The following KCNN2 variants were observed in gnomAD, a reference collection of about 807,000 sequenced individuals.
The protein encoded by KCNN2 is small conductance calcium-activated potassium channel protein 2.
KCNN2 carries 24 observed loss-of-function variants against 55.5 expected under a neutral mutation model. The ratio of observed to expected loss-of-function variants is 0.43; its 90% CI spans 0.31 to 0.61. The LOEUF (loss-of-function observed/expected upper bound fraction) is 0.61, where lower values mean the gene tolerates loss of function less well. Ranked by LOEUF, KCNN2 falls within the 20% of genes least tolerant of loss-of-function variation. The probability of loss-of-function intolerance (pLI) is 0.08; values close to 1 mark genes in which losing one functional copy is unlikely to be tolerated. For missense variants in KCNN2, 754 were observed against 853.6 expected, an observed-to-expected ratio of 0.88 and a Z score of 1.45; for synonymous variants, 431 against 336.1, an observed-to-expected ratio of 1.28 and a Z score of -3.09.
chr5:114,119,392 A>G (rs916882628), intron 1 of KCNN2, among the ~76,000 whole-genome samples: 4 of 152,218 alleles, frequency 2.6e-5, no homozygotes, highest in African/African-American at 4.8e-5. Flanking sequence ...GGCTTCTTTT[A>G]GATACGAAGC....
Position 114,268,366 on chromosome 5 carries a change from T to C in KCNN2, c.-185+46801T>C, listed in dbSNP as rs940048482. 1.8e-4 allele frequency among the ~76,000 whole-genome samples: 27 copies of C among 152,378 alleles called. 1 individual carries two copies. Among genetic ancestry groups the C allele is most frequent in the African/African-American group, 6.5e-4 (27 of 41,588 alleles). ...CTCAAGTTCGCCATTTCCATGATTA[T>C]CAAATGTTTTATATAAAATTTAAAA... On this transcript the variant is annotated intron_variant, in intron 2 of 10. Coordinates refer to the KCNN2 transcript ENST00000512097.
At chr5:114,389,132 CTCTG>C (rs1758372010) in intron 2 of KCNN2, among the ~76,000 whole-genome samples, 1 of 151,682 alleles carries the variant, frequency 6.6e-6, no homozygotes, top group African/African-American at 2.4e-5. Context: ...TGTCTTTCCT[CTCTG>C]TCAATACTTG....
rs546991658 is a variant in KCNN2 at position 114,477,452 on chromosome 5, G to A, written c.1890+4288G>A. 1.9e-4 allele frequency among the ~76,000 whole-genome samples: 29 copies of A among 152,174 alleles called. No homozygotes were observed. The South Asian group carries it at 3.5e-3, about 18-fold the overall frequency. ...ATACTATTTATTGTACATCAGCACT[G>A]AGAAGATTGTTTTGTCTAATCCTAA... On this transcript the variant is annotated intron_variant, in intron 5 of 7. Coordinates refer to ENST00000673685, the MANE Select transcript of KCNN2 (RefSeq NM_021614.4).
At chr5:114,096,507 G>T (rs2112562847) in intron 1 of KCNN2, among the ~76,000 whole-genome samples, 1 of 152,220 alleles carries the variant, frequency 6.6e-6, no homozygotes, top group African/African-American at 2.4e-5. Context: ...ACATCACAGA[G>T]TCATTCCATG....
intron 2 of KCNN2, among the ~76,000 whole-genome samples, chr5:114,399,290 A>G (rs1019714908): frequency 1.3e-5 from 2 of 152,066 alleles, no homozygotes; most frequent in Non-Finnish European, 2.9e-5. Context: ...TTCTGCACGT[A>G]TTGGTGAGAT....
At chr5:114,265,178 C>G (rs1755185075) in intron 2 of KCNN2, among the ~76,000 whole-genome samples, 1 of 152,018 alleles carries the variant, frequency 6.6e-6, no homozygotes, top group Non-Finnish European at 1.5e-5. Context: ...CCCAAACTAG[C>G]CAATCATTTG....
intron 1 of KCNN2, among the ~76,000 whole-genome samples, chr5:114,134,483 A>C (rs1752132107): frequency 6.7e-6 from 1 of 148,500 alleles, no homozygotes; most frequent in Non-Finnish European, 1.5e-5. Context: ...TTATTTATTT[A>C]TTTATTTATT....
intron 1 of KCNN2, among the ~76,000 whole-genome samples, chr5:114,155,153 C>T (rs1272013016): frequency 1.3e-5 from 2 of 152,004 alleles, no homozygotes; most frequent in African/African-American, 4.8e-5. Flanking sequence ...GTTTTCTGTT[C>T]CTGTGTTATT....
At chr5:114,234,687 G>A (rs1009263265) in intron 2 of KCNN2, among the ~76,000 whole-genome samples, 37 of 152,118 alleles carry the variant, frequency 2.4e-4, no homozygotes, top group Non-Finnish European at 4.4e-4. Context: ...GAGGTGGAGA[G>A]TGGAGAAGAG....
In KCNN2 at chr5:114,264,497, A is replaced by G. The variant is rs182508679; in HGVS notation, c.-185+42932A>G. Among the ~76,000 whole-genome samples the G allele has an allele frequency of 6.6e-5, 10 of 152,344 alleles. No homozygotes were observed. In the East Asian group the frequency reaches 1.7e-3, roughly 26 times the overall value. On this transcript the variant is annotated intron_variant, in intron 2 of 10. Transcript: ENST00000512097. ...ACAAAGTATTCAATAACAGCAAGACAGAAAACAGGGAGGTTGCTTCTTCCC... is the reference window on the plus strand; with the variant it reads ...ACAAAGTATTCAATAACAGCAAGACGGAAAACAGGGAGGTTGCTTCTTCCC...
At chr5:114,398,055 TG>T (rs1183029618) in intron 2 of KCNN2, among the ~76,000 whole-genome samples, 1 of 152,174 alleles carries the variant, frequency 6.6e-6, no homozygotes, top group Non-Finnish European at 1.5e-5. Context: ...TGTCAATTTT[TG>T]TTTTTGTTGC....
intron 2 of KCNN2, among the ~76,000 whole-genome samples, chr5:114,240,314 A>G (rs1287390419): frequency 6.6e-6 from 1 of 151,978 alleles, no homozygotes; most frequent in Non-Finnish European, 1.5e-5. Context: ...TCCTCATAAA[A>G]GCTTATAAAA....
chr5:114,058,810 T>G (rs796067272), intron 1 of KCNN2, among the ~76,000 whole-genome samples: 1 of 152,068 alleles, frequency 6.6e-6, no homozygotes, highest in Non-Finnish European at 1.5e-5. Flanking sequence ...TAAAAGACCA[T>G]TGTGGAGCTG....
chr5:114,124,888 T>C (rs952986902), intron 1 of KCNN2, among the ~76,000 whole-genome samples: 1 of 152,194 alleles, frequency 6.6e-6, no homozygotes, highest in African/African-American at 2.4e-5. Flanking sequence ...CTCACTATTA[T>C]CACATCTATC....
chr5:114,274,801 T>C (rs539136132), intron 2 of KCNN2, among the ~76,000 whole-genome samples: 1 of 152,334 alleles, frequency 6.6e-6, no homozygotes, highest in Admixed American at 6.5e-5. Context: ...TTTGACTTCC[T>C]CTCTTCCTAT....
In KCNN2 at chr5:114,084,796, G is replaced by A. The variant is rs551246088; in HGVS notation, c.-271+28296G>A. Among the ~76,000 whole-genome samples the A allele has an allele frequency of 6.6e-5, 10 of 151,796 alleles. No individual in the cohort carries two copies. The South Asian group carries it at 2.1e-3, about 32-fold the overall frequency. On this transcript the variant is annotated intron_variant, in intron 1 of 10. Coordinates refer to the KCNN2 transcript ENST00000512097. ...TTCTTTGAGAAATTTTACGGTTTTT[G>A]GTTTTACAACTAGGTCTATGATTCA...
At chr5:114,105,173 C>A (rs759100002) in intron 1 of KCNN2, among the ~76,000 whole-genome samples, 1 of 151,990 alleles carries the variant, frequency 6.6e-6, no homozygotes, top group Non-Finnish European at 1.5e-5. Context: ...TGCAACTATT[C>A]CTGTTCATCT....
chr5:114,496,389 C>CT lies in KCNN2; in HGVS notation c.*208dup. On this transcript the variant is annotated 3_prime_UTR_variant, in exon 8 of 8. Coordinates refer to ENST00000673685, the MANE Select transcript of KCNN2 (RefSeq NM_021614.4). Reference sequence around the variant, plus strand: ...TGCACAGGGAATGCACCTATTATTGCTATATAGATTGTTCCTCCTGTAATT... The same window carrying CT: ...TGCACAGGGAATGCACCTATTATTGCTTATATAGATTGTTCCTCCTGTAATT... The CT allele has an allele frequency of 1.9e-6, 1 of 521,464 alleles. No individual in the cohort carries two copies. Among genetic ancestry groups the CT allele is most frequent in the Non-Finnish European group, 3.3e-6 (1 of 299,460 alleles). 32.3% of individuals were successfully genotyped at this position (521,464 alleles called of 1,614,324 possible). A position where few individuals can be genotyped will look rare whatever the true frequency, so the allele number is the denominator to read the frequency against.
At position 114,110,563 on chromosome 5, in the gene KCNN2, G is replaced by T. The variant is rs1035181196; in HGVS notation, c.-271+54063G>T. 3.9e-5 allele frequency among the ~76,000 whole-genome samples: 6 copies of T among 152,140 alleles called. No individual in the cohort carries two copies. The East Asian group carries it at 1.2e-3, about 29-fold the overall frequency. ...GTACTCCTCTAAGGCCTTGGATGCT[G>T]GCAATAAAAGTAACCTTACTTTCAG... On this transcript the variant is annotated intron_variant, in intron 1 of 10. Coordinates refer to the KCNN2 transcript ENST00000512097.
Sources: gnomAD v4.1 joint callset for allele counts (sites outside exome capture counted in the v4.1 genomes callset) on GRCh38, gnomAD v4.1.1 for gene constraint, MANE v1.5 for transcripts, NCBI Gene and HGNC (gene_info 2026-07-23, HGNC 2026-07-21) for gene names.